The following METTL8 variants were observed in gnomAD, a reference collection of about 807,000 sequenced individuals.
METTL8 encodes the protein methyltransferase 8, tRNA N3-cytidine.
In METTL8, 32 loss-of-function variants were observed where a neutral mutation model predicts 48.7. The ratio of observed to expected loss-of-function variants is 0.66; its 90% CI spans 0.50 to 0.88. The LOEUF is 0.88. Ranked by LOEUF, METTL8 falls within the 40% of genes least tolerant of loss-of-function variation. METTL8 has a pLI of 0.00. For synonymous variants in METTL8, 136 were observed against 157.1 expected, an observed-to-expected ratio of 0.87 and a Z score of 1.01; for missense variants, 464 against 474.4, an observed-to-expected ratio of 0.98 and a Z score of 0.20.
At chr2:171,390,005 A>G (rs539744635) in intron 2 of METTL8, among the ~76,000 whole-genome samples, 1 of 152,364 alleles carries the variant, frequency 6.6e-6, no homozygotes, top group African/African-American at 2.4e-5. Flanking sequence ...TTCAAAGGAC[A>G]GGCTGACTCT....
intron 1 of METTL8, among the ~76,000 whole-genome samples, chr2:171,412,581 T>TAA (rs58731347): frequency 2.8e-5 from 4 of 144,828 alleles, no homozygotes; most frequent in Non-Finnish European, 1.5e-5. Context: ...TTATTTGCCT[T>TAA]AAAAAAAAAA....
chr2:171,409,906 G>T (rs1439316042), intron 1 of METTL8, among the ~76,000 whole-genome samples: 1 of 152,120 alleles, frequency 6.6e-6, no homozygotes, highest in Admixed American at 6.5e-5. Context: ...ATTGTCTACG[G>T]TCAGGCCGGA....
intron 1 of METTL8, among the ~76,000 whole-genome samples, chr2:171,428,686 G>A (rs1322902465): frequency 6.6e-6 from 1 of 152,100 alleles, no homozygotes; most frequent in Non-Finnish European, 1.5e-5. Flanking sequence ...TTCTAGTATA[G>A]TGCCACAACA....
chr2:171,361,835 C>A (rs559867182), intron 2 of METTL8, among the ~76,000 whole-genome samples: 46 of 152,226 alleles, frequency 3.0e-4, no homozygotes, highest in African/African-American at 9.9e-4. Flanking sequence ...GGTTTATATT[C>A]TCCTAGTGCA....
intron 1 of METTL8, among the ~76,000 whole-genome samples, chr2:171,430,034 A>G (rs1300310771): frequency 6.9e-6 from 1 of 145,212 alleles, no homozygotes; most frequent in African/African-American, 2.6e-5. Context: ...GAGCAAAAAA[A>G]CTCCGTCTCA....
At chr2:171,355,694 C>T (rs1215882252) in intron 3 of METTL8, among the ~76,000 whole-genome samples, 1 of 152,230 alleles carries the variant, frequency 6.6e-6, no homozygotes, top group Non-Finnish European at 1.5e-5. Flanking sequence ...AGCCTCGCTG[C>T]CACCTTGCAG....
chr2:171,410,237 T>C (rs1360683328), intron 1 of METTL8, among the ~76,000 whole-genome samples: 2 of 152,170 alleles, frequency 1.3e-5, no homozygotes, highest in East Asian at 3.8e-4. Flanking sequence ...AAATGGTGAT[T>C]AAGAAACCAG....
At chr2:171,425,916 T>C (rs1692365885) in intron 1 of METTL8, among the ~76,000 whole-genome samples, 2 of 152,242 alleles carry the variant, frequency 1.3e-5, no homozygotes, top group South Asian at 4.1e-4. Flanking sequence ...CCCAGCACTT[T>C]AGGAGGCTGA....
chr2:171,429,344 A>G (rs1692744760), intron 1 of METTL8, among the ~76,000 whole-genome samples: 2 of 152,224 alleles, frequency 1.3e-5, no homozygotes, highest in African/African-American at 4.8e-5. Flanking sequence ...AAGCCATGAC[A>G]TACTGAACAA....
chr2:171,415,535 A>T (rs1450224919), intron 1 of METTL8, among the ~76,000 whole-genome samples: 1 of 151,540 alleles, frequency 6.6e-6, no homozygotes, highest in Non-Finnish European at 1.5e-5. Flanking sequence ...TATTTTTAGT[A>T]CAGGTGGGGT....
At chr2:171,363,797 T>TAA (rs1685426857) in intron 2 of METTL8, among the ~76,000 whole-genome samples, 1 of 131,932 alleles carries the variant, frequency 7.6e-6, no homozygotes, top group South Asian at 2.3e-4. Flanking sequence ...AAATTTTATA[T>TAA]ATATATATAT....
intron 2 of METTL8, among the ~76,000 whole-genome samples, chr2:171,388,270 T>C (rs1688264522): frequency 6.6e-6 from 1 of 152,358 alleles, no homozygotes; most frequent in South Asian, 2.1e-4. Flanking sequence ...CAGTCTAGCA[T>C]GGTGTTACCA....
At chr2:171,330,504 C>G in intron 7 of METTL8, 55 bp downstream of exon 7, 3 of 1,541,732 alleles carry the variant, frequency 1.9e-6, no homozygotes, top group Non-Finnish European at 2.6e-6. Flanking sequence ...GTTCTGAAAA[C>G]CACTACTGAT....
chr2:171,402,451 G>A (rs982342682), intron 1 of METTL8, among the ~76,000 whole-genome samples: 1 of 152,152 alleles, frequency 6.6e-6, no homozygotes, highest in Non-Finnish European at 1.5e-5. Flanking sequence ...GTTTCTCATT[G>A]TTGGAGTGGG....
intron 1 of METTL8, among the ~76,000 whole-genome samples, chr2:171,400,661 T>C (rs1025385072): frequency 1.3e-5 from 2 of 152,166 alleles, no homozygotes; most frequent in African/African-American, 4.8e-5. Flanking sequence ...TTGCATCACC[T>C]AAATAATGTA....
rs185181234 is a variant in METTL8, at chr2:171,354,927, A to G, written c.235+5495T>C. Reference sequence around the variant, plus strand: ...CGAACATCCTCCTTTAGCTCAGAGAAGTTTGTTATTACCGATCGTCTGAAG... The same window carrying G: ...CGAACATCCTCCTTTAGCTCAGAGAGGTTTGTTATTACCGATCGTCTGAAG... On this transcript the variant is annotated intron_variant, in intron 3 of 9. Transcript: ENST00000375258. Among the ~76,000 whole-genome samples the G allele has an allele frequency of 1.1e-4, 16 of 152,184 alleles. No homozygotes were observed. The East Asian group carries it at 3.1e-3, about 29-fold the overall frequency.
chr2:171,428,177 A>G (rs905970597), intron 1 of METTL8, among the ~76,000 whole-genome samples: 4 of 152,242 alleles, frequency 2.6e-5, no homozygotes, highest in Admixed American at 2.6e-4. Flanking sequence ...AAGAGAAATC[A>G]TTTTCCAATC....
chr2:171,417,593 C>T (rs1334533113), intron 1 of METTL8, among the ~76,000 whole-genome samples: 1 of 152,184 alleles, frequency 6.6e-6, no homozygotes, highest in East Asian at 1.9e-4. Flanking sequence ...AGATACTAAG[C>T]AGTGAGGCTG....
At chr2:171,345,242 CT>C (rs1687152743) in intron 3 of METTL8, among the ~76,000 whole-genome samples, 1 of 152,112 alleles carries the variant, frequency 6.6e-6, no homozygotes, top group Non-Finnish European at 1.5e-5. Flanking sequence ...GCTAACCATC[CT>C]TAAATATTCA....
Sources: gnomAD v4.1 joint callset for allele counts (sites outside exome capture counted in the v4.1 genomes callset) on GRCh38, gnomAD v4.1.1 for gene constraint, MANE v1.5 for transcripts, NCBI Gene and HGNC (gene_info 2026-07-23, HGNC 2026-07-21) for gene names.